The following NBEA variants were observed in gnomAD, a reference collection of about 807,000 sequenced individuals.
NBEA encodes the protein lysosomal-trafficking regulator 2.
Under a neutral mutation model 343.4 loss-of-function variants are expected in NBEA, and 44 were observed. The observed-to-expected ratio is 0.13, with a 90% confidence interval of 0.10 to 0.16. The LOEUF is 0.16. NBEA is among the 10% of genes least tolerant of loss of function. NBEA has a pLI of 1.00. For synonymous variants in NBEA, 1,175 were observed against 1,238.7 expected (o/e 0.95, Z 1.08); for missense variants, 2,555 against 3,631.3 (o/e 0.70, Z 7.62).
chr13:35,250,851 G>T (rs988760678), intron 34 of NBEA, among the ~76,000 whole-genome samples: 2 of 152,174 alleles, frequency 1.3e-5, no homozygotes, highest in African/African-American at 2.4e-5. Flanking sequence ...TACCATAAAA[G>T]CTTAACACAT....
At chr13:35,019,780 A>G (rs1411721925) in intron 1 of NBEA, among the ~76,000 whole-genome samples, 1 of 152,126 alleles carries the variant, frequency 6.6e-6, no homozygotes, top group African/African-American at 2.4e-5. Flanking sequence ...TAAGTTGTCA[A>G]ATTCATAGGT....
chr13:35,038,164 G>A (rs2062519578), intron 1 of NBEA, among the ~76,000 whole-genome samples: 1 of 152,094 alleles, frequency 6.6e-6, no homozygotes, highest in African/African-American at 2.4e-5. Context: ...CTGGCCATGA[G>A]GAGTACTGCC....
At chr13:35,085,248 C>T (rs1457851526) in intron 10 of NBEA, among the ~76,000 whole-genome samples, 1 of 152,112 alleles carries the variant, frequency 6.6e-6, no homozygotes, top group Non-Finnish European at 1.5e-5. Flanking sequence ...CCAGCATCAT[C>T]CTGATACCAA....
chr13:35,534,952 G>T (rs2078459664), intron 41 of NBEA, among the ~76,000 whole-genome samples: 1 of 152,076 alleles, frequency 6.6e-6, no homozygotes, highest in African/African-American at 2.4e-5. Flanking sequence ...GCTTCAAATA[G>T]CTTTACAAAA....
At chr13:35,084,082 C>A (rs530381267) in intron 10 of NBEA, among the ~76,000 whole-genome samples, 69 of 152,232 alleles carry the variant, frequency 4.5e-4, no homozygotes, top group Admixed American at 8.5e-4. Context: ...AAAGCAAGTC[C>A]TTAGAGACCT....
chr13:35,211,231 C>A, intron 33 of NBEA, 52 bp downstream of exon 33: 1 of 1,436,194 alleles, frequency 7.0e-7, no homozygotes, highest in Non-Finnish European at 9.4e-7. Flanking sequence ...TGTAGTGAAA[C>A]AGTACACAAA....
At chr13:35,324,058 G>A (rs993347416) in intron 36 of NBEA, among the ~76,000 whole-genome samples, 2 of 152,096 alleles carry the variant, frequency 1.3e-5, no homozygotes, top group Non-Finnish European at 2.9e-5. Context: ...GGCAATAGAG[G>A]AGCCTAGAGT....
intron 34 of NBEA, among the ~76,000 whole-genome samples, chr13:35,277,194 A>C (rs2152808312): frequency 6.6e-6 from 1 of 152,268 alleles, no homozygotes; most frequent in South Asian, 2.1e-4. Context: ...TGGTAAAGTA[A>C]AAATACAGTA....
At chr13:35,401,245 AATG>A (rs754960937) in intron 38 of NBEA, among the ~76,000 whole-genome samples, 14 of 152,006 alleles carry the variant, frequency 9.2e-5, no homozygotes, top group Admixed American at 5.3e-4. Flanking sequence ...GGAATAGAGC[AATG>A]ATAAGACAGA....
intron 10 of NBEA, among the ~76,000 whole-genome samples, chr13:35,078,325 T>G (rs2064211095): frequency 6.6e-6 from 1 of 152,226 alleles, no homozygotes. Context: ...CAAAATCTGG[T>G]AGCCTCATAA....
intron 10 of NBEA, among the ~76,000 whole-genome samples, chr13:35,092,147 A>G (rs2065115351): frequency 1.3e-5 from 2 of 151,944 alleles, no homozygotes; most frequent in Non-Finnish European, 2.9e-5. Context: ...CAAAGGTGCA[A>G]AAGTAGTCTA....
chr13:35,164,593 A>G, intron 24 of NBEA, 84 bp downstream of exon 24: 1 of 1,400,058 alleles, frequency 7.1e-7, no homozygotes, highest in Non-Finnish European at 9.8e-7. Context: ...CTATAAACAC[A>G]TTTTAACCAG....
intron 35 of NBEA, among the ~76,000 whole-genome samples, chr13:35,294,331 C>T (rs1395285987): frequency 6.7e-6 from 1 of 148,652 alleles, no homozygotes; most frequent in Admixed American, 6.7e-5. Context: ...TCAAATAGTA[C>T]AAAAGAAAAA....
At chr13:35,043,724 T>G (rs2062741317) in intron 2 of NBEA, among the ~76,000 whole-genome samples, 1 of 151,892 alleles carries the variant, frequency 6.6e-6, no homozygotes, top group African/African-American at 2.4e-5. Flanking sequence ...TATTAATTGA[T>G]GAAGATAAGC....
intron 38 of NBEA, among the ~76,000 whole-genome samples, chr13:35,371,956 A>C (rs1056845662): frequency 5.3e-5 from 8 of 152,106 alleles, no homozygotes; most frequent in African/African-American, 1.9e-4. Flanking sequence ...TTTGTTGGAG[A>C]TAGAGATGCC....
At chr13:34,955,183 A>G (rs559202453) in intron 1 of NBEA, among the ~76,000 whole-genome samples, 1 of 151,858 alleles carries the variant, frequency 6.6e-6, no homozygotes, top group Non-Finnish European at 1.5e-5. Flanking sequence ...GCTTAAGCTC[A>G]GTTTCTGCTT....
intron 1 of NBEA, among the ~76,000 whole-genome samples, chr13:35,006,910 G>T (rs369194900): frequency 6.6e-6 from 1 of 152,102 alleles, no homozygotes; most frequent in Non-Finnish European, 1.5e-5. Flanking sequence ...GCACCACCAC[G>T]CCTGGCTGAT....
intron 16 of NBEA, among the ~76,000 whole-genome samples, chr13:35,122,742 C>G (rs1327740160): frequency 2.0e-5 from 3 of 152,220 alleles, no homozygotes; most frequent in Middle Eastern, 3.4e-3. Flanking sequence ...AGAGTAGGAA[C>G]CAGGAATTGT....
intron 38 of NBEA, among the ~76,000 whole-genome samples, chr13:35,424,907 A>G (rs1366526487): frequency 6.6e-6 from 1 of 151,772 alleles, no homozygotes; most frequent in Non-Finnish European, 1.5e-5. Context: ...GAATTTATCC[A>G]TTTTCTAGAT....
Sources: allele counts gnomAD v4.1 joint callset (sites outside exome capture counted in the v4.1 genomes callset), GRCh38; gene constraint gnomAD v4.1.1; transcripts MANE v1.5; gene names NCBI Gene and HGNC (gene_info 2026-07-23, HGNC 2026-07-21).